SCHIP1: variants seen among roughly 807,000 people sequenced by gnomAD.
SCHIP1 encodes schwannomin-interacting protein 1.
SCHIP1 carries 8 observed loss-of-function variants against 29.7 expected under a neutral mutation model. The ratio of observed to expected loss-of-function variants is 0.27; its 90% CI spans 0.16 to 0.49. The LOEUF is 0.49. SCHIP1 is among the 20% of genes least tolerant of loss of function. The probability of loss-of-function intolerance (pLI) is 0.99; values close to 1 mark genes in which losing one functional copy is unlikely to be tolerated. For synonymous variants in SCHIP1, 76 were observed against 94.9 expected (o/e 0.80, Z 1.16); for missense variants, 193 against 294.6 (o/e 0.66, Z 2.52).
At chr3:159,882,064 A>G (rs1006619015) in intron 2 of SCHIP1, among the ~76,000 whole-genome samples, 4 of 152,226 alleles carry the variant, frequency 2.6e-5, no homozygotes, top group Non-Finnish European at 4.4e-5. Flanking sequence ...ACAAGTTCCA[A>G]GGCCAGCCCA....
the SCHIP1 span, among the ~76,000 whole-genome samples, chr3:159,828,453 G>GTA: frequency 4.8e-4 from 48 of 100,668 alleles, no homozygotes; most frequent in Admixed American, 2.3e-3. Flanking sequence ...ATATATATAC[G>GTA]TATATATATG....
the SCHIP1 span, among the ~76,000 whole-genome samples, chr3:159,673,066 T>G: frequency 6.6e-6 from 1 of 152,228 alleles, no homozygotes; most frequent in East Asian, 1.9e-4. Flanking sequence ...GTTTCTTGTA[T>G]TGGCCTTTTA....
At chr3:159,394,687 CT>C in the SCHIP1 span, among the ~76,000 whole-genome samples, 1 of 152,074 alleles carries the variant, frequency 6.6e-6, no homozygotes, top group African/African-American at 2.4e-5. Context: ...GGTGGATAAG[CT>C]TTTTGATGTG....
chr3:159,514,223 T>C, the SCHIP1 span, among the ~76,000 whole-genome samples: 1 of 152,184 alleles, frequency 6.6e-6, no homozygotes, highest in Non-Finnish European at 1.5e-5. Flanking sequence ...CGGAAAGGCC[T>C]GTCCATTTTT....
chr3:159,880,353 A>C (rs939258537), intron 2 of SCHIP1, among the ~76,000 whole-genome samples: 1 of 152,152 alleles, frequency 6.6e-6, no homozygotes, highest in Non-Finnish European at 1.5e-5. Flanking sequence ...TTAACACCTT[A>C]TTAATGTCCA....
the SCHIP1 span, among the ~76,000 whole-genome samples, chr3:159,398,418 A>T: frequency 1.3e-5 from 2 of 152,184 alleles, no homozygotes; most frequent in African/African-American, 2.4e-5. Context: ...GAGAGCCATG[A>T]TGAAGGTTCT....
the SCHIP1 span, among the ~76,000 whole-genome samples, chr3:159,776,952 GT>G: frequency 6.6e-6 from 1 of 152,156 alleles, no homozygotes; most frequent in Admixed American, 6.5e-5. Context: ...GGACCATGGT[GT>G]CCTGGAAGGT....
chr3:159,657,672 G>C, the SCHIP1 span, among the ~76,000 whole-genome samples: 4 of 152,230 alleles, frequency 2.6e-5, no homozygotes, highest in East Asian at 7.7e-4. Flanking sequence ...TAACAGTGGG[G>C]ATTAAAAGAG....
At chr3:159,637,374 CACA>C in the SCHIP1 span, among the ~76,000 whole-genome samples, 15 of 37,284 alleles carry the variant, frequency 4.0e-4, no homozygotes, top group African/African-American at 3.5e-3. Flanking sequence ...GCCCCAGCCA[CACA>C]CACACACACA....
the SCHIP1 span, among the ~76,000 whole-genome samples, chr3:159,382,668 T>C: frequency 1.3e-5 from 2 of 151,000 alleles, no homozygotes. Flanking sequence ...TCTAGATCCC[T>C]GAGGAATCGC....
chr3:159,746,414 T>C, the SCHIP1 span, among the ~76,000 whole-genome samples: 1 of 152,310 alleles, frequency 6.6e-6, no homozygotes, highest in African/African-American at 2.4e-5. Context: ...ACACTAATGA[T>C]CTGCACTCTC....
the SCHIP1 span, among the ~76,000 whole-genome samples, chr3:159,426,292 C>T: frequency 6.6e-6 from 1 of 151,780 alleles, no homozygotes; most frequent in Non-Finnish European, 1.5e-5. Flanking sequence ...AGTAGCAAGA[C>T]TAATAAAGAA....
At chr3:159,655,879 A>T in the SCHIP1 span, among the ~76,000 whole-genome samples, 1 of 152,086 alleles carries the variant, frequency 6.6e-6, no homozygotes, top group Non-Finnish European at 1.5e-5. Flanking sequence ...GCAGAGTGAG[A>T]CTCCGTCTCA....
the SCHIP1 span, among the ~76,000 whole-genome samples, chr3:159,747,139 C>T: frequency 6.6e-6 from 1 of 152,190 alleles, no homozygotes. Context: ...GAAACAGTAA[C>T]TGCATGAATA....
At chr3:159,308,812 C>A in the SCHIP1 span, among the ~76,000 whole-genome samples, 43,697 of 152,124 alleles carry the variant, frequency 0.29, 7,818 homozygotes, top group Non-Finnish European at 0.41. Flanking sequence ...TACATATACA[C>A]CATGGAATAC....
chr3:159,886,119 TTCTGTTAGCAAAA>T (rs1464870636), intron 2 of SCHIP1, 75 bp from the exon 4 acceptor site: 1 of 1,423,992 alleles, frequency 7.0e-7, no homozygotes, highest in Non-Finnish European at 9.8e-7. Flanking sequence ...TAAGACTACT[TTCTGTTAGCAAAA>T]TCAGACAGTT....
At chr3:159,886,514 G>C in intron 3 of SCHIP1, 190 bp downstream of exon 4, 1 of 525,518 alleles carries the variant, frequency 1.9e-6, no homozygotes. Context: ...AGATATATAA[G>C]CTTTCTTAAA....
chr3:159,810,794 A>G, the SCHIP1 span, among the ~76,000 whole-genome samples: 1 of 151,964 alleles, frequency 6.6e-6, no homozygotes, highest in African/African-American at 2.4e-5. Flanking sequence ...GTGTAGATGT[A>G]TGTTTCCATT....
the SCHIP1 span, among the ~76,000 whole-genome samples, chr3:159,614,918 G>A: frequency 1.3e-4 from 20 of 152,196 alleles, no homozygotes; most frequent in Non-Finnish European, 1.5e-5. Context: ...TGTCCTCAAG[G>A]AGGTCACAGG....
Sources: gnomAD v4.1 joint callset for allele counts (sites outside exome capture counted in the v4.1 genomes callset) on GRCh38, gnomAD v4.1.1 for gene constraint, MANE v1.5 for transcripts, NCBI Gene and HGNC (gene_info 2026-07-23, HGNC 2026-07-21) for gene names.